Variants in FABP6 observed in about 807,000 individuals in gnomAD.
FABP6 encodes the protein fatty acid binding protein 6.
Under a neutral mutation model 14.9 loss-of-function variants are expected in FABP6, and 13 were observed. The ratio of observed to expected loss-of-function variants is 0.87; its 90% CI spans 0.57 to 1.39. The LOEUF (loss-of-function observed/expected upper bound fraction) is 1.39, where lower values mean the gene tolerates loss of function less well. Among genes scored for constraint, FABP6 ranks in the 40% most tolerant of loss-of-function variants. The probability of loss-of-function intolerance (pLI) is 0.00; values close to 1 mark genes in which losing one functional copy is unlikely to be tolerated. For missense variants in FABP6, 161 were observed against 167.2 expected (o/e 0.96, Z 0.20); for synonymous variants, 75 against 63.6 (o/e 1.18, Z -0.85).
chr5:160,199,207 A>G, intron 2 of FABP6: 9 of 1,601,310 alleles, frequency 5.6e-6, no homozygotes, highest in Non-Finnish European at 7.7e-6. Flanking sequence ...TGAAAGGATG[A>G]CCCAGGTCAC....
At chr5:160,207,261 G>A (rs1029986186) in intron 2 of FABP6, among the ~76,000 whole-genome samples, 3 of 152,320 alleles carry the variant, frequency 2.0e-5, no homozygotes, top group East Asian at 1.9e-4. Context: ...CCATTCATCC[G>A]ACTCCCAGGG....
rs777201997 is a variant in FABP6, at chr5:160,234,991, C to T, written c.333+82C>T. 2.9e-5 allele frequency: 36 copies of T among 1,229,976 alleles called. No homozygotes were observed. The Admixed American group carries it at 3.1e-4, about 11-fold the overall frequency. The allele number at this position is 1,229,976 out of a possible 1,614,324, so 76.2% of individuals were successfully genotyped here. A position where few individuals can be genotyped will look rare whatever the true frequency, so the allele number is the denominator to read the frequency against. On this transcript the variant is annotated intron_variant, in intron 3 of 3. Coordinates refer to ENST00000402432, the MANE Select transcript of FABP6 (RefSeq NM_001445.3). The stretch of plus-strand genomic sequence containing the variant: ...ACAGCCCCTCAGAAGTAGGCCTCTA[C>T]GCAGCTGGCTTTACCAGCACTTCCC...
At chr5:160,231,955 T>G in intron 1 of FABP6, 143 bp from the exon 2 acceptor site, 1 of 882,504 alleles carries the variant, frequency 1.1e-6, no homozygotes. Flanking sequence ...ATTAGCTGTC[T>G]CAGGCACTGT....
rs751964294 is a variant in FABP6, at chr5:160,232,235, G to A, written c.205G>A (p.Glu69Lys). The A allele has an allele frequency of 9.3e-5, 150 of 1,612,418 alleles. 1 individual carries two copies. In the Middle Eastern group the frequency reaches 4.0e-3, roughly 43 times the overall value. The change falls in exon 2 of 4, where the codon GAA (glutamate) becomes AAA (lysine). Residue 69 changes from glutamate (E) to lysine (K), a missense_variant. Physicochemically the swap from Glu to Lys is moderately conservative, Grantham distance 56 (BLOSUM62 1). Transcript: ENST00000402432. ...TMTNKFTVGK[E>K]SNIQTMGGKT... ...GACCAACAAGTTCACTGTTGGCAAGGAAAGCAACATACAGACAATGGGGGG... is the reference window on the plus strand; with the variant it reads ...GACCAACAAGTTCACTGTTGGCAAGAAAAGCAACATACAGACAATGGGGGG...
chr5:160,222,174 C>A (rs1350316660), intron 3 of FABP6, among the ~76,000 whole-genome samples: 1 of 149,506 alleles, frequency 6.7e-6, no homozygotes, highest in Non-Finnish European at 1.5e-5. Context: ...CTCACTGAAG[C>A]CTCAGTCTCC....
intron 2 of FABP6, among the ~76,000 whole-genome samples, chr5:160,210,829 T>TA (rs1288801789): frequency 6.6e-6 from 1 of 152,242 alleles, no homozygotes; most frequent in Non-Finnish European, 1.5e-5. Context: ...CCTGCAGAAT[T>TA]ACACACCGCA....
At chr5:160,230,719 G>A (rs553646897) in intron 1 of FABP6, among the ~76,000 whole-genome samples, 2 of 152,224 alleles carry the variant, frequency 1.3e-5, no homozygotes, top group African/African-American at 4.8e-5. Flanking sequence ...TTACCAATGG[G>A]GACTCAGCGT....
intron 2 of FABP6, among the ~76,000 whole-genome samples, chr5:160,205,666 T>G (rs928143726): frequency 6.6e-6 from 1 of 152,234 alleles, no homozygotes; most frequent in African/African-American, 2.4e-5. Flanking sequence ...AGAAGTTGGC[T>G]TGGGGCTTCT....
chr5:160,202,362 T>C (rs1043399199), intron 2 of FABP6, among the ~76,000 whole-genome samples: 5 of 152,134 alleles, frequency 3.3e-5, no homozygotes, highest in African/African-American at 1.2e-4. Context: ...AACTCAAATA[T>C]ATACAAACAT....
intron 1 of FABP6, chr5:160,195,859 T>C (rs1759499087): frequency 6.6e-6 from 1 of 152,280 alleles, no homozygotes; most frequent in African/African-American, 2.4e-5. Context: ...TGCTGCATGG[T>C]TTCCGTGTGC....
Position 160,211,707 on chromosome 5 carries a change from C to T in FABP6, c.52-2029C>T, listed in dbSNP as rs147839570. On this transcript the variant is annotated intron_variant, in intron 2 of 6. Coordinates refer to the FABP6 transcript ENST00000393980. ...AGGCCTGGTGGTGGAGCTTTTTCAT[C>T]CTTTCTATGAGTTACTCCATACGTT... Among the ~76,000 whole-genome samples the T allele has an allele frequency of 5.1e-3, 783 of 152,240 alleles. 16 individuals carry two copies. The highest frequency in any genetic ancestry group is 0.021 in the East Asian group (111 of 5,182).
intron 2 of FABP6, among the ~76,000 whole-genome samples, chr5:160,233,661 T>A (rs1760440437): frequency 6.6e-6 from 1 of 151,938 alleles, no homozygotes; most frequent in African/African-American, 2.4e-5. Context: ...GATCACGAGG[T>A]TAGGAGTTCA....
upstream of FABP6, chr5:160,228,585 C>G (rs1184914475): frequency 2.2e-6 from 1 of 455,364 alleles, no homozygotes; most frequent in East Asian, 7.0e-5. Context: ...ATTCTGAACC[C>G]CTAACCCCTT....
upstream of FABP6, among the ~76,000 whole-genome samples, chr5:160,226,404 A>T (rs1760247994): frequency 6.6e-6 from 1 of 150,796 alleles, no homozygotes; most frequent in African/African-American, 2.4e-5. Context: ...TACTAAAGAT[A>T]CAGAAAATTA....
At chr5:160,234,971 C>G (rs938869745) in intron 3 of FABP6, 62 bp downstream of exon 3, 1 of 1,482,034 alleles carries the variant, frequency 6.7e-7, no homozygotes. Flanking sequence ...TGGCCACAGC[C>G]CCTCAGAAGT....
Position 160,238,635 on chromosome 5 carries a change from GC to G in FABP6, c.364del (p.Arg122AlafsTer2). 6.2e-7 allele frequency: 1 copy of G among 1,614,062 alleles called. No individual in the cohort carries two copies. The highest frequency in any genetic ancestry group is 1.7e-5 in the Admixed American group (1 of 60,008). On this transcript the variant is annotated frameshift_variant, in exon 4 of 4. Transcript: ENST00000402432. LOFTEE classifies it high-confidence loss of function. ...CCACCATCGGAGGCGTGACCTATGA[GC>G]GCGTGAGCAAGAGACTGGCCTAAGC... Reference protein sequence around the residue: ...VSTIGGVTYERVSKRLA With the variant: ...VSTIGGVTYEXVSKRLA
chr5:160,226,783 T>C (rs1760256515), upstream of FABP6, among the ~76,000 whole-genome samples: 1 of 152,206 alleles, frequency 6.6e-6, no homozygotes, highest in African/African-American at 2.4e-5. Context: ...GTTATTATTA[T>C]CAGTCATTGT....
intron 2 of FABP6, among the ~76,000 whole-genome samples, chr5:160,212,894 G>A (rs985311020): frequency 2.0e-5 from 3 of 152,200 alleles, no homozygotes; most frequent in African/African-American, 7.2e-5. Context: ...TAGGATTACA[G>A]GTGTGAGCCA....
chr5:160,209,835 G>A (rs1178558859), intron 2 of FABP6, among the ~76,000 whole-genome samples: 1 of 152,196 alleles, frequency 6.6e-6, no homozygotes, highest in Non-Finnish European at 1.5e-5. Context: ...ACAGGCATGA[G>A]CCACTGCGTC....
Sources: allele counts gnomAD v4.1 joint callset (sites outside exome capture counted in the v4.1 genomes callset), GRCh38; gene constraint gnomAD v4.1.1; transcripts MANE v1.5; gene names NCBI Gene and HGNC (gene_info 2026-07-23, HGNC 2026-07-21).